The following ANXA11 variants were observed in gnomAD, a reference collection of about 807,000 sequenced individuals.
ANXA11 encodes the protein annexin A11, also known as 56 kDa autoantigen.
A neutral mutation model predicts 64.7 loss-of-function variants in ANXA11; 57 were observed. The ratio of observed to expected loss-of-function variants is 0.88; its 90% CI spans 0.71 to 1.10. The LOEUF (loss-of-function observed/expected upper bound fraction) is 1.10, where lower values mean the gene tolerates loss of function less well. ANXA11 is among the 50% of genes least tolerant of loss of function. The pLI is 0.00. For synonymous variants in ANXA11, 260 were observed against 265.2 expected, an observed-to-expected ratio of 0.98 and a Z score of 0.19; for missense variants, 675 against 670.7, an observed-to-expected ratio of 1.01 and a Z score of -0.07.
rs1845170365 is a variant in ANXA11 at position 80,152,301 on chromosome 10, ATAAT to A, written c.*3548_*3551del. On this transcript the variant is annotated 3_prime_UTR_variant, in exon 16 of 16. Transcript: ENST00000422982. ...TCTCCCTATCTTTTTTGTCCTAAGC[ATAAT>A]AAACAGTGTTGATCCCAACCTCCCA... The A allele has an allele frequency of 6.6e-6, 1 of 152,224 alleles. No homozygotes were observed. The highest frequency in any genetic ancestry group is 2.4e-5 in the African/African-American group (1 of 41,456). The allele number at this position is 152,224 out of a possible 1,614,324, so 9.4% of individuals were successfully genotyped here. A position where few individuals can be genotyped will look rare whatever the true frequency, so the allele number is the denominator to read the frequency against.
intron 1 of ANXA11, among the ~76,000 whole-genome samples, chr10:80,179,236 G>A (rs951500304): frequency 1.3e-5 from 2 of 152,090 alleles, no homozygotes; most frequent in Admixed American, 6.6e-5. Context: ...GCCAGGTTAA[G>A]ATCTGCCTGC....
chr10:80,189,103 T>C (rs1253550810), intron 1 of ANXA11, among the ~76,000 whole-genome samples: 1 of 152,170 alleles, frequency 6.6e-6, no homozygotes, highest in Non-Finnish European at 1.5e-5. Flanking sequence ...TGATTAGGGT[T>C]ACCCGCCATG....
intron 8 of ANXA11, 51 bp from the exon 9 acceptor site, chr10:80,164,194 C>A: frequency 1.3e-6 from 2 of 1,495,898 alleles, no homozygotes; most frequent in South Asian, 1.1e-5. Flanking sequence ...AGCAGCCTCA[C>A]CAGCACTCGG....
intron 1 of ANXA11, among the ~76,000 whole-genome samples, chr10:80,192,948 C>T (rs1329072729): frequency 1.3e-5 from 2 of 152,086 alleles, no homozygotes; most frequent in African/African-American, 2.4e-5. Context: ...CAAAATGAGA[C>T]ATAAATAAGG....
At position 80,155,734 on chromosome 10, in the gene ANXA11, G is replaced by A. The variant is rs1348230203; in HGVS notation, c.*119C>T. On this transcript the variant is annotated 3_prime_UTR_variant, in exon 16 of 16. Transcript: ENST00000422982. ...CAGGAGGGGTGGAAGACAGGCCTAA[G>A]CTCTAGGACGGTGAATCTCGGGGCT... The A allele has an allele frequency of 9.7e-7, 1 of 1,028,032 alleles. No homozygotes were observed. Among genetic ancestry groups the A allele is most frequent in the Non-Finnish European group, 1.5e-6 (1 of 663,688 alleles). The allele number at this position is 1,028,032 out of a possible 1,614,324, so 63.7% of individuals were successfully genotyped here.
intron 1 of ANXA11, 104 bp from the exon 2 acceptor site, chr10:80,176,259 A>G (rs1272077844): frequency 1.3e-5 from 2 of 152,216 alleles, no homozygotes; most frequent in African/African-American, 2.4e-5. Flanking sequence ...AACAGATCCA[A>G]CAATGGATAC....
intron 1 of ANXA11, among the ~76,000 whole-genome samples, chr10:80,187,545 G>GCA (rs773152656): frequency 0.14 from 20,948 of 150,516 alleles, 1,493 homozygotes; most frequent in Middle Eastern, 0.16. Context: ...GTGCGCGCGT[G>GCA]CACACACACA....
chr10:80,191,320 A>G (rs1197403880), intron 1 of ANXA11, among the ~76,000 whole-genome samples: 1 of 152,166 alleles, frequency 6.6e-6, no homozygotes, highest in Non-Finnish European at 1.5e-5. Flanking sequence ...CCCAGGAGCT[A>G]CAGGTTGCAG....
rs1845865256 is a variant in ANXA11 at position 80,169,110 on chromosome 10, G to A, written c.420C>T (p.Pro140=). ...GTGGCTGCCCAGGGTAGGCCCCTGG[G>A]GGCTGCTGTCCGGGGGGTGGCATGG... is the stretch of plus-strand genomic sequence containing the variant. The part of the protein sequence containing the change: ...GQPMPPPGQQ[P]PGAYPGQPPV... The change falls in exon 5 of 16, where the codon CCC becomes CCT. Residue 140 remains proline (P), a synonymous_variant. Transcript: ENST00000422982. 1 of 1,538,918 alleles carries A rather than the reference G, an allele frequency of 6.5e-7. No homozygotes were observed. Among genetic ancestry groups the A allele is most frequent in the East Asian group, 2.3e-5 (1 of 44,322 alleles).
chr10:80,196,212 G>C (rs1840156586), intron 1 of ANXA11, among the ~76,000 whole-genome samples: 1 of 152,144 alleles, frequency 6.6e-6, no homozygotes, highest in Non-Finnish European at 1.5e-5. Context: ...ATAAGCAAGG[G>C]AACGAAGGCT....
rs774616730 is a variant in ANXA11 at position 80,172,810 on chromosome 10, G to T, written c.52C>A (p.Pro18Thr). 1 of 1,613,940 alleles carries T rather than the reference G, an allele frequency of 6.2e-7. No homozygotes were observed. Among genetic ancestry groups the T allele is most frequent in the Non-Finnish European group, 8.5e-7 (1 of 1,179,898 alleles). Residue 18 changes from proline to threonine, a missense_variant, in exon 3 of 16, where the codon CCA becomes ACA. By Grantham distance (38) the Pro-to-Thr change is conservative (BLOSUM62 -1). Coordinates refer to ENST00000422982, the MANE Select transcript of ANXA11 (RefSeq NM_145868.2). ...TCCCCACCCCAGACCCTCTTACCTGGTGCAGCTGGTGGGTAGCCACCTGGG... is the reference window on the plus strand; with the variant it reads ...TCCCCACCCCAGACCCTCTTACCTGTTGCAGCTGGTGGGTAGCCACCTGGG... ...PPPGGYPPAA[P>T]GGGPWGGAAY...
At position 80,164,205 on chromosome 10, in the gene ANXA11, G is replaced by A. The variant is rs2236557; in HGVS notation, c.859-62C>T. The A allele has an allele frequency of 0.42, 575,567 of 1,375,546 alleles. 123,916 individuals carry two copies. Among genetic ancestry groups the A allele is most frequent in the East Asian group, 0.66 (28,473 of 43,276 alleles). The allele number at this position is 1,375,546 out of a possible 1,614,324, so 85.2% of individuals were successfully genotyped here. A position where few individuals can be genotyped will look rare whatever the true frequency, so the allele number is the denominator to read the frequency against. On this transcript the variant is annotated intron_variant, in intron 8 of 15. Transcript: ENST00000422982. The stretch of plus-strand genomic sequence containing the variant: ...TTCCAGCAGCCTCACCAGCACTCGG[G>A]AAGAAGGGTGGGGGCTACGCTGCTG...
At chr10:80,158,782 A>C (rs1277891641) in intron 13 of ANXA11, among the ~76,000 whole-genome samples, 2 of 152,190 alleles carry the variant, frequency 1.3e-5, no homozygotes, top group African/African-American at 2.4e-5. Context: ...TTTTTAGAGG[A>C]AACGTGGCAG....
Position 80,188,139 on chromosome 10 carries a change from C to T in ANXA11, c.-57-11984G>A, listed in dbSNP as rs1846617559. On this transcript the variant is annotated intron_variant, in intron 1 of 15. Coordinates refer to ENST00000422982, the MANE Select transcript of ANXA11 (RefSeq NM_145868.2). ...TCTACCACCCCCAATTACTCTCTCT[C>T]ACACACTCTAAACCAGCTCCCCCAT... 2.0e-5 allele frequency among the ~76,000 whole-genome samples: 3 copies of T among 152,122 alleles called. No homozygotes were observed. In the East Asian group the frequency reaches 5.8e-4, roughly 29 times the overall value.
chr10:80,156,539 A>G (rs1426251162), intron 15 of ANXA11: 1 of 462,384 alleles, frequency 2.2e-6, no homozygotes, highest in East Asian at 7.0e-5. Context: ...TTTGAGACGA[A>G]GTCTCACTCT....
intron 1 of ANXA11, among the ~76,000 whole-genome samples, chr10:80,202,945 C>T (rs1840499458): frequency 1.3e-5 from 2 of 150,616 alleles, no homozygotes; most frequent in Non-Finnish European, 2.9e-5. Context: ...ACTCGGGAGG[C>T]CAAGGGAGGA....
chr10:80,176,709 C>A (rs573042413), intron 1 of ANXA11, among the ~76,000 whole-genome samples: 168 of 152,246 alleles, frequency 1.1e-3, no homozygotes, highest in Admixed American at 2.4e-3. Flanking sequence ...CCCTGGAGGG[C>A]CTGCAGGCCA....
chr10:80,192,182 G>C (rs1470727235), intron 1 of ANXA11, among the ~76,000 whole-genome samples: 1 of 152,238 alleles, frequency 6.6e-6, no homozygotes, highest in Non-Finnish European at 1.5e-5. Context: ...GGGAAGACCA[G>C]CGCTGAGGAG....
intron 1 of ANXA11, among the ~76,000 whole-genome samples, chr10:80,181,648 A>T (rs953560260): frequency 6.6e-6 from 1 of 152,218 alleles, no homozygotes; most frequent in African/African-American, 2.4e-5. Flanking sequence ...CTGAACAGAC[A>T]CTTCACCAAA....
Sources: allele counts gnomAD v4.1 joint callset (sites outside exome capture counted in the v4.1 genomes callset), GRCh38; gene constraint gnomAD v4.1.1; transcripts MANE v1.5; gene names NCBI Gene and HGNC (gene_info 2026-07-23, HGNC 2026-07-21).